Variants in FGF13 observed in about 807,000 individuals in gnomAD.
FGF13 encodes fibroblast growth factor homologous factor 2.
In FGF13, 2 loss-of-function variants were observed where a neutral mutation model predicts 19.5. The ratio of observed to expected loss-of-function variants is 0.10; its 90% CI spans 0.04 to 0.32. The LOEUF is 0.32. Among genes scored for constraint, FGF13 ranks in the 10% least tolerant of loss-of-function variants. FGF13 has a pLI of 1.00. For missense variants in FGF13, 113 were observed against 192.7 expected (o/e 0.59, Z 2.45); for synonymous variants, 72 against 76.9 (o/e 0.94, Z 0.33).
chrX:138,928,438 A>T (rs2091684693), intron 1 of FGF13, among the ~76,000 whole-genome samples: 1 of 110,861 alleles, frequency 9.0e-6, no homozygotes, highest in Non-Finnish European at 1.9e-5. Context: ...ATATCTAGAG[A>T]GGTGAGAGTT....
chrX:139,008,779 G>T (rs779948012), intron 1 of FGF13, among the ~76,000 whole-genome samples: 5 of 111,685 alleles, frequency 4.5e-5, no homozygotes, highest in South Asian at 7.5e-4. Context: ...CTGGTAATAT[G>T]ACAAAACAAG....
chrX:138,767,798 A>G (rs748510923), intron 3 of FGF13, among the ~76,000 whole-genome samples: 1 of 112,491 alleles, frequency 8.9e-6, no homozygotes, highest in East Asian at 2.8e-4. Flanking sequence ...CTTTCTGAAC[A>G]TCAGTGTTCC....
intron 3 of FGF13, among the ~76,000 whole-genome samples, chrX:138,758,361 C>T (rs1057116997): frequency 3.6e-5 from 4 of 111,804 alleles, no homozygotes; most frequent in South Asian, 3.8e-4. Flanking sequence ...AAGCAAGGAC[C>T]GTACATTTCT....
intron 3 of FGF13, among the ~76,000 whole-genome samples, chrX:138,802,897 A>G (rs2090840329): frequency 9.0e-6 from 1 of 110,979 alleles, no homozygotes; most frequent in Non-Finnish European, 1.9e-5. Context: ...AGCACCTCAG[A>G]CTCTTAATAT....
At chrX:138,736,951 A>T (rs779374715) in intron 1 of FGF13, among the ~76,000 whole-genome samples, 6 of 111,268 alleles carry the variant, frequency 5.4e-5, no homozygotes, top group African/African-American at 2.0e-4. Context: ...GGACAAAAAC[A>T]TTTAGAGAAG....
intron 1 of FGF13, among the ~76,000 whole-genome samples, chrX:138,919,941 C>G (rs1162912650): frequency 9.0e-6 from 1 of 111,051 alleles, no homozygotes; most frequent in African/African-American, 3.3e-5. Context: ...TATGCTAATA[C>G]TGGAGGAGGC....
intron 3 of FGF13, among the ~76,000 whole-genome samples, chrX:138,772,267 G>T (rs1355366426): frequency 9.2e-6 from 1 of 108,634 alleles, no homozygotes; most frequent in African/African-American, 3.3e-5. Flanking sequence ...CCAGAAATTA[G>T]ACTTGTTAAT....
chrX:138,984,743 A>AGGAGGAGAAGAAGAGGGAGGAGGG (rs2091987304), intron 1 of FGF13, among the ~76,000 whole-genome samples: 1 of 106,051 alleles, frequency 9.4e-6, no homozygotes, highest in South Asian at 4.5e-4. Flanking sequence ...GAGAAGGAGG[A>AGGAGGAGAAGAAGAGGGAGGAGGG]GGAGGAGAAG....
At chrX:138,675,299 A>T (rs1455989551) in intron 3 of FGF13, among the ~76,000 whole-genome samples, 1 of 112,160 alleles carries the variant, frequency 8.9e-6, no homozygotes, top group Non-Finnish European at 1.9e-5. Context: ...TCCAAACAGA[A>T]ATATTTGTTA....
chrX:138,870,344 A>T (rs2091351424), intron 1 of FGF13, among the ~76,000 whole-genome samples: 2 of 111,809 alleles, frequency 1.8e-5, no homozygotes, highest in African/African-American at 6.5e-5. Context: ...ACCCATGTTC[A>T]CATTTAACAG....
chrX:139,043,064 G>C (rs2092275560), intron 1 of FGF13, among the ~76,000 whole-genome samples: 2 of 110,977 alleles, frequency 1.8e-5, no homozygotes, highest in African/African-American at 6.6e-5. Context: ...CTTTTTCCCT[G>C]CCCTATGTGC....
chrX:138,936,303 G>T (rs2124267089), intron 1 of FGF13, among the ~76,000 whole-genome samples: 1 of 111,976 alleles, frequency 8.9e-6, no homozygotes. Flanking sequence ...ACTCCCCCAA[G>T]CTTCAGCCCA....
chrX:138,947,279 T>C (rs1189945320), intron 1 of FGF13, among the ~76,000 whole-genome samples: 1 of 111,395 alleles, frequency 9.0e-6, no homozygotes, highest in African/African-American at 3.3e-5. Context: ...ATGTCACAGC[T>C]TAAAATGAGC....
intron 1 of FGF13, among the ~76,000 whole-genome samples, chrX:139,046,203 G>A (rs1015676324): frequency 1.8e-5 from 2 of 110,967 alleles, no homozygotes; most frequent in Non-Finnish European, 1.9e-5. Flanking sequence ...CACGTCATGC[G>A]GCAAGAGCAG....
chrX:138,717,669 G>A (rs1368068111), intron 1 of FGF13, among the ~76,000 whole-genome samples: 1 of 111,843 alleles, frequency 8.9e-6, no homozygotes, highest in South Asian at 3.8e-4. Flanking sequence ...CCAGTCAGGA[G>A]TGCAGTGGCG....
intron 1 of FGF13, among the ~76,000 whole-genome samples, chrX:139,057,726 C>T (rs2092324346): frequency 8.9e-6 from 1 of 112,073 alleles, no homozygotes; most frequent in Non-Finnish European, 1.9e-5. Context: ...ATTACCGATA[C>T]ATGTCACAAC....
Position 138,624,925 on chromosome X carries a change from C to T in FGF13, c.*7925G>A, listed in dbSNP as rs1016326651. On this transcript the variant is annotated 3_prime_UTR_variant, in exon 5 of 5. Transcript: ENST00000315930. ...CAGAATAGGAGAAAATATTTGCAAA[C>T]CATATTTCTCATAAGGGGTTAATAT... is the stretch of plus-strand genomic sequence containing the variant. 1 of 111,644 alleles carries T rather than the reference C, an allele frequency of 9.0e-6. No individual in the cohort carries two copies. The highest frequency in any genetic ancestry group is 3.3e-5 in the African/African-American group (1 of 30,729). The allele number at this position is 111,644 out of a possible 1,213,427, so 9.2% of individuals were successfully genotyped here. A position where few individuals can be genotyped will look rare whatever the true frequency, so the allele number is the denominator to read the frequency against.
upstream of FGF13, among the ~76,000 whole-genome samples, chrX:138,742,804 G>C (rs989914046): frequency 1.1e-4 from 12 of 111,946 alleles, no homozygotes; most frequent in African/African-American, 3.9e-4. Context: ...AAAATGCAAA[G>C]CTCTTGTCTC....
chrX:138,809,190 T>C (rs918735955), intron 3 of FGF13, among the ~76,000 whole-genome samples: 12 of 111,703 alleles, frequency 1.1e-4, no homozygotes, highest in African/African-American at 3.9e-4. Flanking sequence ...GATGCAAAAA[T>C]CTTCAATAAA....
Sources: allele counts gnomAD v4.1 joint callset (sites outside exome capture counted in the v4.1 genomes callset), GRCh38; gene constraint gnomAD v4.1.1; transcripts MANE v1.5; gene names NCBI Gene and HGNC (gene_info 2026-07-23, HGNC 2026-07-21).